The following RBBP6 variants were observed in gnomAD, a reference collection of about 807,000 sequenced individuals.
RBBP6 encodes RB binding protein 6, ubiquitin ligase.
In RBBP6, 25 loss-of-function variants were observed where a neutral mutation model predicts 167.7. That is an observed-to-expected ratio of 0.15 (90% CI 0.11 to 0.21). The LOEUF is 0.21. RBBP6 is among the 10% of genes least tolerant of loss of function. The probability of loss-of-function intolerance (pLI) is 1.00; values close to 1 mark genes in which losing one functional copy is unlikely to be tolerated. For synonymous variants in RBBP6, 789 were observed against 735.8 expected (o/e 1.07, Z -1.17); for missense variants, 1,868 against 2,134.2 (o/e 0.88, Z 2.46).
At chr16:24,561,584 T>A in intron 8 of RBBP6, 28 bp from the exon 9 acceptor site, 1 of 1,566,390 alleles carries the variant, frequency 6.4e-7, no homozygotes, top group Non-Finnish European at 8.8e-7. Flanking sequence ...TACTATGCTT[T>A]TATTAATATT....
chr16:24,569,748 A>G lies in RBBP6; in HGVS notation c.3058A>G (p.Lys1020Glu). 6.2e-7 allele frequency: 1 copy of G among 1,614,170 alleles called. No individual in the cohort carries two copies. The stretch of plus-strand genomic sequence containing the variant: ...ACCAAAAGCAAAGGGTGATAAAACC[A>G]AACGGAAGAATGATGGATCTGCTGT... ...DKPKAKGDKTKRKNDGSAVSK... is the reference protein window; with the variant it reads ...DKPKAKGDKTERKNDGSAVSK... Residue 1020 changes from lysine to glutamate, a missense_variant, in exon 17 of 18, where the codon AAA (lysine) becomes GAA (glutamate). Physicochemically the swap from Lys to Glu is moderately conservative, Grantham distance 56. This residue lies in a region of RBBP6 where 673 missense variants were observed against 691.5 expected (regional missense o/e 0.97). Transcript: ENST00000319715.
intron 1 of RBBP6, among the ~76,000 whole-genome samples, chr16:24,545,273 C>T (rs1005282231): frequency 3.9e-5 from 6 of 152,072 alleles, no homozygotes; most frequent in Non-Finnish European, 7.4e-5. Context: ...GGGGTTTCAC[C>T]GTGTTAGCCA....
intron 8 of RBBP6, 192 bp downstream of exon 8, chr16:24,559,869 T>G (rs557954841): frequency 2.5e-6 from 1 of 395,342 alleles, no homozygotes; most frequent in South Asian, 9.1e-5. Context: ...CTGTTTGTCC[T>G]TTTAAATTCT....
At chr16:24,542,718 C>T (rs1237109787) in intron 1 of RBBP6, among the ~76,000 whole-genome samples, 1 of 152,172 alleles carries the variant, frequency 6.6e-6, no homozygotes, top group Non-Finnish European at 1.5e-5. Context: ...CCACCTGGGT[C>T]TCCCAAAGGG....
chr16:24,567,132 T>C lies in RBBP6; in HGVS notation c.1590-11T>C. The C allele has an allele frequency of 6.2e-7, 1 of 1,602,396 alleles. No homozygotes were observed. Among genetic ancestry groups the C allele is most frequent in the Non-Finnish European group, 8.5e-7 (1 of 1,171,166 alleles). ...TTTGAAGAAGTAATATCTTGGAATT[T>C]ATTTTTCCAGAAGTATAAACCGTGG... On this transcript the variant is annotated splice_polypyrimidine_tract_variant and intron_variant, in intron 14 of 17. Transcript: ENST00000319715.
chr16:24,549,179 A>G lies in RBBP6; in HGVS notation c.303+198A>G, dbSNP rs1898738045. On this transcript the variant is annotated intron_variant, in intron 3 of 17. Coordinates refer to ENST00000319715, the MANE Select transcript of RBBP6 (RefSeq NM_006910.5). The stretch of plus-strand genomic sequence containing the variant: ...GCACACTTATTTTGTAGAAATGGGT[A>G]ATTTGTGCCCGTAACACTGTTTCAT... The G allele has an allele frequency of 4.9e-6, 7 of 1,435,472 alleles. No individual in the cohort carries two copies. The South Asian group carries it at 9.3e-5, about 19-fold the overall frequency. The allele number at this position is 1,435,472 out of a possible 1,614,324, so 88.9% of individuals were successfully genotyped here.
intron 16 of RBBP6, 61 bp from the exon 17 acceptor site, chr16:24,568,684 G>C: frequency 6.6e-7 from 1 of 1,524,386 alleles, no homozygotes; most frequent in Admixed American, 2.1e-5. Context: ...GAATCTGAGA[G>C]TCTGTGTTTT....
chr16:24,565,478 A>C (rs1376530749), intron 14 of RBBP6, among the ~76,000 whole-genome samples: 1 of 152,230 alleles, frequency 6.6e-6, no homozygotes. Flanking sequence ...GGAGGTGAAC[A>C]GCAGCTGAGC....
intron 3 of RBBP6, among the ~76,000 whole-genome samples, chr16:24,552,587 TAC>T (rs1567273106): frequency 1.3e-5 from 2 of 151,898 alleles, no homozygotes; most frequent in African/African-American, 4.8e-5. Flanking sequence ...CAATTTAAAA[TAC>T]ATTTTTATTT....
intron 17 of RBBP6, 46 bp downstream of exon 17, chr16:24,570,545 A>C: frequency 6.9e-7 from 1 of 1,458,278 alleles, no homozygotes; most frequent in South Asian, 1.4e-5. Context: ...TGGGAGAAGG[A>C]TTTTCTTCAG....
chr16:24,557,139 C>A (rs9941222), intron 7 of RBBP6, among the ~76,000 whole-genome samples: 1 of 151,746 alleles, frequency 6.6e-6, no homozygotes, highest in Admixed American at 6.6e-5. Context: ...GCTGGGACTA[C>A]AGGCGCCCGC....
rs1019152219 is a variant in RBBP6 at position 24,539,580 on chromosome 16, G to C, written c.-1047G>C. On this transcript the variant is annotated 5_prime_UTR_variant, in exon 1 of 18. Transcript: ENST00000319715. ...TAAGAGACCCCGCAGTGGGGCGCTC[G>C]TCCGAAGCCAGGCCGCGTCCGCCAT... 1 of 152,138 alleles carries C rather than the reference G, an allele frequency of 6.6e-6. No individual in the cohort carries two copies. The highest frequency in any genetic ancestry group is 2.4e-5 in the African/African-American group (1 of 41,430). The allele number at this position is 152,138 out of a possible 1,614,324, so 9.4% of individuals were successfully genotyped here. A position where few individuals can be genotyped will look rare whatever the true frequency, so the allele number is the denominator to read the frequency against.
Position 24,568,911 on chromosome 16 carries a change from A to T in RBBP6, c.2221A>T (p.Ser741Cys). 1.2e-6 allele frequency: 2 copies of T among 1,614,234 alleles called. No individual in the cohort carries two copies. Among genetic ancestry groups the T allele is most frequent in the Non-Finnish European group, 1.7e-6 (2 of 1,180,042 alleles). Residue 741 changes from serine (S) to cysteine (C), a missense_variant, in exon 17 of 18, where the codon AGC becomes TGC. Transcript: ENST00000319715. ...PPYPRRGRGKSRNYRSRSRSH... is the reference protein window; with the variant it reads ...PPYPRRGRGKCRNYRSRSRSH... ...ATACCCCAGAAGAGGCAGAGGCAAG[A>T]GCCGCAATTACCGTTCACGGTCTAG...
chr16:24,541,734 A>G (rs1898505597), intron 1 of RBBP6, among the ~76,000 whole-genome samples: 1 of 152,230 alleles, frequency 6.6e-6, no homozygotes, highest in Non-Finnish European at 1.5e-5. Context: ...TCTTTTTCTC[A>G]GATCAGTAAT....
chr16:24,553,394 T>G, intron 3 of RBBP6, 119 bp from the exon 4 acceptor site: 1 of 744,690 alleles, frequency 1.3e-6, no homozygotes, highest in Non-Finnish European at 2.2e-6. Flanking sequence ...CTTAACATTC[T>G]TTAGAAAACT....
In RBBP6 at chr16:24,569,986, A is replaced by G; in HGVS notation, c.3296A>G (p.His1099Arg). 8 of 1,595,968 alleles carry G rather than the reference A, an allele frequency of 5.0e-6. No individual in the cohort carries two copies. Among genetic ancestry groups the G allele is most frequent in the Non-Finnish European group, 6.8e-6 (8 of 1,175,692 alleles). ...GCTCACTCTAAATCAGCAAAAGAAC[A>G]CCAAGAAACAAAACCAGTCAAAGAG... ...RKAHSKSAKE[H>R]QETKPVKEEK... The change falls in exon 17 of 18, where the codon CAC becomes CGC. Residue 1099 changes from histidine (H) to arginine (R), a missense_variant. By Grantham distance (29) the His-to-Arg change is conservative. Coordinates refer to ENST00000319715, the MANE Select transcript of RBBP6 (RefSeq NM_006910.5).
In RBBP6 at chr16:24,572,777, A is replaced by G. The variant is rs539786612; in HGVS notation, c.*332A>G. 571 of 202,844 alleles carry G rather than the reference A, an allele frequency of 2.8e-3. 2 individuals are homozygous for G. Among genetic ancestry groups the G allele is most frequent in the Non-Finnish European group, 4.1e-3 (411 of 100,396 alleles). The allele number at this position is 202,844 out of a possible 1,614,324, so 12.6% of individuals were successfully genotyped here. On this transcript the variant is annotated 3_prime_UTR_variant, in exon 18 of 18. Transcript: ENST00000319715. ...GGCAAAAGCTGATATAAGTTCTAAA[A>G]TATCAGCAGAATGATTTGCTGAATT...
chr16:24,555,784 G>A (rs2141465330), intron 5 of RBBP6, 37 bp from the exon 6 acceptor site: 3 of 1,584,158 alleles, frequency 1.9e-6, no homozygotes, highest in Non-Finnish European at 2.6e-6. Context: ...TTTTTTCAAA[G>A]TCCTCGTATA....
intron 2 of RBBP6, among the ~76,000 whole-genome samples, chr16:24,547,518 A>G (rs769878774): frequency 2.6e-5 from 4 of 152,124 alleles, no homozygotes; most frequent in Non-Finnish European, 5.9e-5. Context: ...CCTGGAGTGC[A>G]GTGGCACAAT....
Sources: gnomAD v4.1 joint callset for allele counts (sites outside exome capture counted in the v4.1 genomes callset) on GRCh38, gnomAD v4.1.1 for gene constraint, gnomAD v4.1.1 regional missense constraint, MANE v1.5 for transcripts, NCBI Gene and HGNC (gene_info 2026-07-23, HGNC 2026-07-21) for gene names.